The following DAGLA variants were observed in gnomAD, a reference collection of about 807,000 sequenced individuals.
The protein encoded by DAGLA is diacylglycerol lipase alpha.
Under a neutral mutation model 102.6 loss-of-function variants are expected in DAGLA, and 22 were observed. That is an observed-to-expected ratio of 0.21 (90% CI 0.15 to 0.31). The LOEUF (loss-of-function observed/expected upper bound fraction) is 0.31, where lower values mean the gene tolerates loss of function less well. Ranked by LOEUF, DAGLA falls within the 10% of genes least tolerant of loss-of-function variation. The probability of loss-of-function intolerance (pLI) is 1.00; values close to 1 mark genes in which losing one functional copy is unlikely to be tolerated. For synonymous variants in DAGLA, 578 were observed against 628.9 expected (o/e 0.92, Z 1.21); for missense variants, 927 against 1,446.6 (o/e 0.64, Z 5.83).
In DAGLA at chr11:61,707,991, GTATT is replaced by G. The variant is rs200842768; in HGVS notation, c.-44-12099_-44-12096del. Among the ~76,000 whole-genome samples, 273 of 146,974 alleles carry G rather than the reference GTATT, an allele frequency of 1.9e-3. 5 individuals carry two copies. The South Asian group carries it at 0.029, about 16-fold the overall frequency. On this transcript the variant is annotated intron_variant, in intron 1 of 19. Coordinates refer to ENST00000257215, the MANE Select transcript of DAGLA (RefSeq NM_006133.3). ...GCTCTTGAGAAGGGAATTTATTTATGTATTTATTTATTTATTTATTTATTTTATT... is the reference window on the plus strand; with the variant it reads ...GCTCTTGAGAAGGGAATTTATTTATGTATTTATTTATTTATTTATTTTATT...
chr11:61,740,181 G>A (rs1395726741), intron 17 of DAGLA, among the ~76,000 whole-genome samples: 1 of 152,230 alleles, frequency 6.6e-6, no homozygotes, highest in South Asian at 2.1e-4. Flanking sequence ...TGACACAGCT[G>A]GTGAGCTGGG....
rs2065536994 is a variant in DAGLA, at chr11:61,746,156, G to A, written c.*1667G>A. 1 of 151,882 alleles carries A rather than the reference G, an allele frequency of 6.6e-6. No individual in the cohort carries two copies. The highest frequency in any genetic ancestry group is 2.1e-4 in the South Asian group (1 of 4,790). 9.4% of individuals were successfully genotyped at this position (151,882 alleles called of 1,614,324 possible). ...GGCCCCCGGCTCCCCACACAGCTGG[G>A]ACTGGCCTGGATGGCTGTCCTGGGA... On this transcript the variant is annotated 3_prime_UTR_variant, in exon 20 of 20. Coordinates refer to ENST00000257215, the MANE Select transcript of DAGLA (RefSeq NM_006133.3).
chr11:61,695,107 A>G (rs1223365877), intron 1 of DAGLA, among the ~76,000 whole-genome samples: 1 of 152,172 alleles, frequency 6.6e-6, no homozygotes, highest in African/African-American at 2.4e-5. Flanking sequence ...CCAGCAACTG[A>G]GAGGCAGGGT....
rs896810198 is a variant in DAGLA, at chr11:61,684,329, C to T, written c.-45+3825C>T. Reference sequence around the variant, plus strand: ...GAGGAAGATAAATCTTTTAGAACCGCGGAGCCCAGGACATTGCAGGATGCG... The same window carrying T: ...GAGGAAGATAAATCTTTTAGAACCGTGGAGCCCAGGACATTGCAGGATGCG... On this transcript the variant is annotated intron_variant, in intron 1 of 19. Coordinates refer to ENST00000257215, the MANE Select transcript of DAGLA (RefSeq NM_006133.3). The surrounding 1 kb of genome is among the most constrained non-coding windows in gnomAD (Gnocchi z 4.5). Among the ~76,000 whole-genome samples the T allele has an allele frequency of 3.9e-5, 6 of 152,208 alleles. No individual in the cohort carries two copies. The highest frequency in any genetic ancestry group is 9.7e-5 in the African/African-American group (4 of 41,446).
chr11:61,721,983 C>A (rs948789094), intron 3 of DAGLA, among the ~76,000 whole-genome samples: 1 of 152,258 alleles, frequency 6.6e-6, no homozygotes, highest in African/African-American at 2.4e-5. Context: ...CCCCATGAGG[C>A]CAGCAGATCT....
At chr11:61,707,184 G>C (rs1257594432) in intron 1 of DAGLA, among the ~76,000 whole-genome samples, 1 of 152,272 alleles carries the variant, frequency 6.6e-6, no homozygotes, top group African/African-American at 2.4e-5. Flanking sequence ...GCTGTGCCGA[G>C]CATGTGGCCC....
intron 1 of DAGLA, among the ~76,000 whole-genome samples, chr11:61,714,769 G>A (rs928941018): frequency 2.0e-5 from 3 of 152,226 alleles, no homozygotes; most frequent in Admixed American, 6.5e-5. Context: ...CAGTGGGACT[G>A]TTCTGAGACT....
At position 61,706,411 on chromosome 11, in the gene DAGLA, C is replaced by T. The variant is rs560442765; in HGVS notation, c.-44-13701C>T. ...CTGGTGTCTGCACCCCACCCATGAA[C>T]ATGTCGAGGTGCAAGTTGGAGGAAG... On this transcript the variant is annotated intron_variant, in intron 1 of 19. Transcript: ENST00000257215. 6.6e-5 allele frequency among the ~76,000 whole-genome samples: 10 copies of T among 152,300 alleles called. No individual in the cohort carries two copies. The South Asian group carries it at 1.7e-3, about 25-fold the overall frequency.
At chr11:61,681,438 G>A (rs1351221266) in intron 1 of DAGLA, among the ~76,000 whole-genome samples, 2 of 152,178 alleles carry the variant, frequency 1.3e-5, no homozygotes, top group African/African-American at 2.4e-5. Flanking sequence ...ATGATTTTCA[G>A]TGGTGATCGG....
intron 1 of DAGLA, among the ~76,000 whole-genome samples, chr11:61,706,569 G>T (rs747133387): frequency 5.9e-5 from 9 of 152,138 alleles, no homozygotes; most frequent in Non-Finnish European, 1.2e-4. Context: ...ACAGGCGGGG[G>T]GTGCACCCAG....
At position 61,727,178 on chromosome 11, in the gene DAGLA, C is replaced by T. The variant is rs187222170; in HGVS notation, c.637-975C>T. ...CTGGTCCCAAGCATGTTTTGATCAG[C>T]GTGTGTTGTGTTGCTTACACATTTT... On this transcript the variant is annotated intron_variant, in intron 6 of 19. Transcript: ENST00000257215. 3.9e-5 allele frequency among the ~76,000 whole-genome samples: 6 copies of T among 152,322 alleles called. No individual in the cohort carries two copies. The East Asian group carries it at 5.8e-4, about 15-fold the overall frequency.
In DAGLA at chr11:61,737,754, A is replaced by C; in HGVS notation, c.1582A>C (p.Arg528=). The change falls in exon 15 of 20, where the codon AGG becomes CGG. Residue 528 remains arginine (R), a splice_region_variant and synonymous_variant. Transcript: ENST00000257215. ...AVVLGKDLVP[R]IGLSQLEGFR... ...GGTTCTGGGCAAAGACCTCGTCCCC[A>C]GGTGAGTCCTTGGCCCCGCTCCATG... The C allele has an allele frequency of 6.2e-7, 1 of 1,613,864 alleles. No homozygotes were observed. The highest frequency in any genetic ancestry group is 1.3e-5 in the African/African-American group (1 of 74,976).
rs1174949136 is a variant in DAGLA, at chr11:61,741,293, G to T, written c.2115G>T (p.Met705Ile). The change falls in exon 19 of 20, where the codon ATG (methionine) becomes ATT (isoleucine). Residue 705 changes from methionine (M) to isoleucine (I), a missense_variant. Coordinates refer to ENST00000257215, the MANE Select transcript of DAGLA (RefSeq NM_006133.3). ...AGCCACTCCCCACGGGGCCGCCCAT[G>T]CCCACTGGCCTTGCCCTGGAGCTGC... ...QQQPLPTGPP[M>I]PTGLALELPT... 6.2e-7 allele frequency: 1 copy of T among 1,612,552 alleles called. No individual in the cohort carries two copies. Among genetic ancestry groups the T allele is most frequent in the Non-Finnish European group, 8.5e-7 (1 of 1,180,000 alleles).
chr11:61,705,039 G>C (rs769699827), intron 1 of DAGLA, among the ~76,000 whole-genome samples: 4 of 152,116 alleles, frequency 2.6e-5, no homozygotes, highest in Non-Finnish European at 4.4e-5. Context: ...CTGAGACTGG[G>C]GGGAGGGGGA....
At position 61,744,963 on chromosome 11, in the gene DAGLA, G is replaced by A. The variant is rs898164805; in HGVS notation, c.*474G>A. ...CCCCCAGATCTGGTGCCTGCTGGCC[G>A]GCCCCCTGGGGTGCCCCTGCCGAGG... On this transcript the variant is annotated 3_prime_UTR_variant, in exon 20 of 20. Transcript: ENST00000257215. The A allele has an allele frequency of 9.0e-5, 15 of 167,262 alleles. No homozygotes were observed. The South Asian group carries it at 1.1e-3, about 12-fold the overall frequency. 10.4% of individuals were successfully genotyped at this position (167,262 alleles called of 1,614,324 possible). A position where few individuals can be genotyped will look rare whatever the true frequency, so the allele number is the denominator to read the frequency against.
At chr11:61,708,279 A>G (rs1415036811) in intron 1 of DAGLA, among the ~76,000 whole-genome samples, 1 of 152,134 alleles carries the variant, frequency 6.6e-6, no homozygotes, top group Non-Finnish European at 1.5e-5. Flanking sequence ...AAGTGTTGGG[A>G]TTACAGGCGT....
At chr11:61,707,626 G>T (rs962351670) in intron 1 of DAGLA, among the ~76,000 whole-genome samples, 1 of 152,276 alleles carries the variant, frequency 6.6e-6, no homozygotes, top group African/African-American at 2.4e-5. Context: ...TTGTGGGCTG[G>T]TTTGCCAGGG....
At position 61,707,817 on chromosome 11, in the gene DAGLA, C is replaced by T. The variant is rs150830813; in HGVS notation, c.-44-12295C>T. Among the ~76,000 whole-genome samples, 506 of 148,178 alleles carry T rather than the reference C, an allele frequency of 3.4e-3. 1 individual carries two copies. Among genetic ancestry groups the T allele is most frequent in the Non-Finnish European group, 5.9e-3 (399 of 67,272 alleles). Reference sequence around the variant, plus strand: ...GGAGCTGGGAGTGGGCGTGCCCGGCCGGCAGGGACAGAGTCAGACAAGGTG... The same window carrying T: ...GGAGCTGGGAGTGGGCGTGCCCGGCTGGCAGGGACAGAGTCAGACAAGGTG... On this transcript the variant is annotated intron_variant, in intron 1 of 19. Transcript: ENST00000257215.
intron 1 of DAGLA, among the ~76,000 whole-genome samples, chr11:61,700,157 C>T (rs898455146): frequency 6.6e-6 from 1 of 152,208 alleles, no homozygotes; most frequent in East Asian, 1.9e-4. Flanking sequence ...CTGGAGAGGC[C>T]CCCAGAGCCC....
Sources: gnomAD v4.1 joint callset for allele counts (sites outside exome capture counted in the v4.1 genomes callset) on GRCh38, gnomAD v4.1.1 for gene constraint, Gnocchi (gnomAD v3.1) non-coding constraint, MANE v1.5 for transcripts, NCBI Gene and HGNC (gene_info 2026-07-23, HGNC 2026-07-21) for gene names.